Variants in SLC9C2 observed in about 807,000 individuals in gnomAD.
SLC9C2 encodes sodium/hydrogen exchanger 11.
SLC9C2 carries 75 observed loss-of-function variants against 140.2 expected under a neutral mutation model. The ratio of observed to expected loss-of-function variants is 0.53; its 90% CI spans 0.44 to 0.65. The LOEUF (loss-of-function observed/expected upper bound fraction) is 0.65. Ranked by LOEUF, SLC9C2 falls within the 30% of genes least tolerant of loss-of-function variation. The probability of loss-of-function intolerance (pLI) is 0.00; values close to 1 mark genes in which losing one functional copy is unlikely to be tolerated. For synonymous variants in SLC9C2, 375 were observed against 420.9 expected, an observed-to-expected ratio of 0.89 and a Z score of 1.34; for missense variants, 1,074 against 1,331.8, an observed-to-expected ratio of 0.81 and a Z score of 3.01.
intron 9 of SLC9C2, among the ~76,000 whole-genome samples, chr1:173,572,370 T>C (rs1209349232): frequency 6.6e-6 from 1 of 152,028 alleles, no homozygotes; most frequent in Non-Finnish European, 1.5e-5. Flanking sequence ...CACAGCCTTC[T>C]GTGTGAGAGT....
intron 25 of SLC9C2, among the ~76,000 whole-genome samples, chr1:173,506,377 C>T (rs1324189830): frequency 6.6e-6 from 1 of 152,186 alleles, no homozygotes; most frequent in East Asian, 1.9e-4. Flanking sequence ...GGTCACACTT[C>T]CTTTGTCTTT....
chr1:173,586,624 C>T (rs1665863167), intron 5 of SLC9C2, among the ~76,000 whole-genome samples: 1 of 152,084 alleles, frequency 6.6e-6, no homozygotes, highest in Non-Finnish European at 1.5e-5. Flanking sequence ...GACATGGAAC[C>T]AACCCAAATG....
intron 23 of SLC9C2, among the ~76,000 whole-genome samples, chr1:173,515,589 T>C (rs757780816): frequency 5.9e-5 from 9 of 152,226 alleles, no homozygotes; most frequent in Non-Finnish European, 1.2e-4. Context: ...TTAGCTTCTT[T>C]AGATTCGGTT....
intron 7 of SLC9C2, among the ~76,000 whole-genome samples, chr1:173,578,466 T>C (rs1665317496): frequency 1.3e-5 from 2 of 152,238 alleles, no homozygotes; most frequent in South Asian, 4.1e-4. Context: ...TTTCAGGAAC[T>C]TACTAAGTAT....
chr1:173,533,565 A>G (rs1661737705), intron 17 of SLC9C2, 44 bp downstream of exon 17: 3 of 1,448,530 alleles, frequency 2.1e-6, no homozygotes, highest in Admixed American at 4.0e-5. Flanking sequence ...GGTGTGAGCT[A>G]CCACTCCTGG....
chr1:173,523,408 A>C (rs1172636664), intron 21 of SLC9C2, among the ~76,000 whole-genome samples: 2 of 152,144 alleles, frequency 1.3e-5, no homozygotes, highest in African/African-American at 2.4e-5. Context: ...AAAAATTAAA[A>C]AATGAAAGTA....
intron 13 of SLC9C2, among the ~76,000 whole-genome samples, chr1:173,542,081 GA>G (rs901190276): frequency 1.3e-5 from 2 of 151,970 alleles, no homozygotes; most frequent in African/African-American, 4.8e-5. Context: ...CTGGTTTTTT[GA>G]AAAGATCAAC....
At chr1:173,599,069 T>C (rs16846278) in intron 3 of SLC9C2, among the ~76,000 whole-genome samples, 8,373 of 152,268 alleles carry the variant, frequency 0.055, 750 homozygotes, top group African/African-American at 0.19. Context: ...GCAGTGACCA[T>C]GCCTCATGAT....
At chr1:173,509,821 A>G (rs1659918562) in intron 23 of SLC9C2, 122 bp from the exon 24 acceptor site, 1 of 975,180 alleles carries the variant, frequency 1.0e-6, no homozygotes, top group Non-Finnish European at 1.5e-6. Flanking sequence ...CATAATTATG[A>G]TACTCTTGTC....
intron 9 of SLC9C2, among the ~76,000 whole-genome samples, chr1:173,561,862 G>GACACACAC (rs1034067865): frequency 1.6e-5 from 2 of 122,232 alleles, no homozygotes; most frequent in Non-Finnish European, 1.6e-5. Flanking sequence ...CACAGACACA[G>GACACACAC]ACACACACAC....
intron 4 of SLC9C2, among the ~76,000 whole-genome samples, chr1:173,592,891 C>G (rs1191357393): frequency 6.6e-6 from 1 of 152,152 alleles, no homozygotes; most frequent in Non-Finnish European, 1.5e-5. Context: ...TCAGCACAAA[C>G]CCTACAAGAC....
chr1:173,552,028 G>A (rs1304438339), intron 11 of SLC9C2, among the ~76,000 whole-genome samples: 1 of 152,138 alleles, frequency 6.6e-6, no homozygotes, highest in Admixed American at 6.6e-5. Context: ...TGGTAAGAAG[G>A]CAAAACAGCC....
At chr1:173,578,278 C>G (rs7556211) in intron 7 of SLC9C2, among the ~76,000 whole-genome samples, 2 of 152,162 alleles carry the variant, frequency 1.3e-5, no homozygotes, top group Non-Finnish European at 2.9e-5. Flanking sequence ...CAACCTCAAT[C>G]AGATGCTTTT....
chr1:173,594,081 C>T (rs145794925), intron 4 of SLC9C2, among the ~76,000 whole-genome samples: 1 of 152,232 alleles, frequency 6.6e-6, no homozygotes, highest in East Asian at 1.9e-4. Flanking sequence ...TAGCAGTTGT[C>T]TCAAAAGCAA....
At chr1:173,531,058 A>G (rs547861348) in intron 17 of SLC9C2, among the ~76,000 whole-genome samples, 13 of 152,326 alleles carry the variant, frequency 8.5e-5, no homozygotes, top group African/African-American at 3.1e-4. Context: ...ACGTTTTCCA[A>G]TGCAGATTTG....
chr1:173,554,593 C>T, intron 11 of SLC9C2, 140 bp downstream of exon 11: 1 of 648,154 alleles, frequency 1.5e-6, no homozygotes, highest in Non-Finnish European at 2.8e-6. Context: ...AATACAGCAT[C>T]TAAATATATG....
At chr1:173,564,771 G>A (rs962976789) in intron 9 of SLC9C2, among the ~76,000 whole-genome samples, 5 of 148,554 alleles carry the variant, frequency 3.4e-5, no homozygotes, top group African/African-American at 1.2e-4. Flanking sequence ...CCGAATAGCT[G>A]GAACTACAGG....
chr1:173,600,298 A>T (rs1666707326), intron 2 of SLC9C2, 81 bp from the exon 3 acceptor site: 2 of 869,178 alleles, frequency 2.3e-6, no homozygotes, highest in Non-Finnish European at 3.5e-6. Context: ...GCACCATCCC[A>T]AAGTAAGTCA....
At chr1:173,561,862 GAC>G (rs1034067865) in intron 9 of SLC9C2, among the ~76,000 whole-genome samples, 42 of 122,062 alleles carry the variant, frequency 3.4e-4, no homozygotes, top group Middle Eastern at 3.8e-3. Context: ...CACAGACACA[GAC>G]ACACACACAC....
Sources: gnomAD v4.1 joint callset for allele counts (sites outside exome capture counted in the v4.1 genomes callset) on GRCh38, gnomAD v4.1.1 for gene constraint, MANE v1.5 for transcripts, NCBI Gene and HGNC (gene_info 2026-07-23, HGNC 2026-07-21) for gene names.